Variants in CAB39L observed in about 807,000 individuals in gnomAD.
The protein encoded by CAB39L is calcium binding protein 39 like.
Under a neutral mutation model 39.1 loss-of-function variants are expected in CAB39L, and 23 were observed. The observed-to-expected ratio is 0.59, with a 90% confidence interval of 0.42 to 0.83. The LOEUF is 0.83. Among genes scored for constraint, CAB39L ranks in the 40% least tolerant of loss-of-function variants. CAB39L has a pLI of 0.00. For missense variants in CAB39L, 366 were observed against 391.9 expected (o/e 0.93, Z 0.56); for synonymous variants, 126 against 137.2 (o/e 0.92, Z 0.57).
chr13:49,437,975 C>G (rs1388119264), intron 1 of CAB39L, among the ~76,000 whole-genome samples: 1 of 151,842 alleles, frequency 6.6e-6, no homozygotes, highest in Non-Finnish European at 1.5e-5. Flanking sequence ...CAGGTGTGTG[C>G]CACTACGCCC....
chr13:49,396,410 A>AT (rs1206311786), intron 3 of CAB39L, among the ~76,000 whole-genome samples: 1 of 151,998 alleles, frequency 6.6e-6, no homozygotes, highest in Non-Finnish European at 1.5e-5. Context: ...CTACCACCAC[A>AT]TAAAAAAAAA....
intron 5 of CAB39L, among the ~76,000 whole-genome samples, chr13:49,370,097 G>GC (rs1955876501): frequency 6.6e-6 from 1 of 152,074 alleles, no homozygotes; most frequent in Non-Finnish European, 1.5e-5. Flanking sequence ...AATTTCAGTA[G>GC]CAGAAGTGGA....
At chr13:49,371,850 C>T (rs908466740) in intron 5 of CAB39L, among the ~76,000 whole-genome samples, 11 of 152,052 alleles carry the variant, frequency 7.2e-5, no homozygotes, top group Non-Finnish European at 1.6e-4. Flanking sequence ...CCTCAGTCTC[C>T]CAAAGTGCTG....
At chr13:49,326,863 C>A (rs1489674516) in intron 10 of CAB39L, among the ~76,000 whole-genome samples, 1 of 152,126 alleles carries the variant, frequency 6.6e-6, no homozygotes, top group East Asian at 1.9e-4. Context: ...TATAATACTG[C>A]ATTTTTGAAC....
At chr13:49,349,455 C>CATATATATAT (rs34379188) in intron 7 of CAB39L, among the ~76,000 whole-genome samples, 77 of 141,802 alleles carry the variant, frequency 5.4e-4, no homozygotes, top group African/African-American at 1.9e-3. Context: ...AATCTGAATA[C>CATATATATAT]ATATATATAT....
intron 6 of CAB39L, among the ~76,000 whole-genome samples, chr13:49,358,294 C>T (rs1203765255): frequency 1.3e-5 from 2 of 152,078 alleles, no homozygotes; most frequent in Non-Finnish European, 2.9e-5. Flanking sequence ...AATAACTGTG[C>T]AATCATAATA....
chr13:49,376,236 C>T (rs730924), intron 5 of CAB39L, among the ~76,000 whole-genome samples: 82,942 of 152,048 alleles, frequency 0.55, 24,031 homozygotes, highest in African/African-American at 0.72. Flanking sequence ...GAACAAAATT[C>T]GTATTATGAT....
chr13:49,341,302 G>A (rs1326423513), intron 8 of CAB39L, among the ~76,000 whole-genome samples: 1 of 151,298 alleles, frequency 6.6e-6, no homozygotes, highest in East Asian at 1.9e-4. Flanking sequence ...TGCCAAGGCT[G>A]GAGTGCTGTG....
At chr13:49,374,805 T>C (rs926580565) in intron 5 of CAB39L, among the ~76,000 whole-genome samples, 1 of 152,228 alleles carries the variant, frequency 6.6e-6, no homozygotes, top group Non-Finnish European at 1.5e-5. Flanking sequence ...CTTCAAAACA[T>C]AACCATCCTT....
In CAB39L at chr13:49,339,684, G is replaced by C; in HGVS notation, c.683C>G (p.Ser228Cys). The C allele has an allele frequency of 1.9e-6, 3 of 1,571,230 alleles. No individual in the cohort carries two copies. The highest frequency in any genetic ancestry group is 2.6e-6 in the Non-Finnish European group (3 of 1,162,554). ...QSENYVTKRQ[S>C]LKLLGELILD... is the part of the protein sequence containing the mutation. ...AAAGAAATTTGATATTACCTTTAAA[G>C]ACTGTCTCTTAGTAACATAATTCTC... The change falls in exon 9 of 11, where the codon TCT becomes TGT. Residue 228 changes from serine (S) to cysteine (C), a missense_variant. By Grantham distance (112) the Ser-to-Cys change is moderately radical. Transcript: ENST00000409308.
At chr13:49,380,262 G>A (rs1046948162) in intron 4 of CAB39L, among the ~76,000 whole-genome samples, 2 of 152,252 alleles carry the variant, frequency 1.3e-5, no homozygotes, top group South Asian at 2.1e-4. Flanking sequence ...TTTATTTAAA[G>A]CATTGTGTTA....
Position 49,310,753 on chromosome 13 carries a change from T to G in CAB39L, c.*61A>C. On this transcript the variant is annotated 3_prime_UTR_variant, in exon 11 of 11. Transcript: ENST00000409308. The stretch of plus-strand genomic sequence containing the variant: ...TCCCAAGAATGATGACTTTCTGAAA[T>G]GACACACTGTACAAACTGGACAAAT... 6.6e-7 allele frequency: 1 copy of G among 1,519,276 alleles called. No homozygotes were observed. Among genetic ancestry groups the G allele is most frequent in the Non-Finnish European group, 8.9e-7 (1 of 1,121,436 alleles). The allele number at this position is 1,519,276 out of a possible 1,614,324, so 94.1% of individuals were successfully genotyped here. A position where few individuals can be genotyped will look rare whatever the true frequency, so the allele number is the denominator to read the frequency against.
At chr13:49,341,951 C>CAT (rs1955021182) in intron 8 of CAB39L, among the ~76,000 whole-genome samples, 1 of 152,132 alleles carries the variant, frequency 6.6e-6, no homozygotes, top group African/African-American at 2.4e-5. Context: ...TCCTTTATAA[C>CAT]ATGAGGACAT....
intron 5 of CAB39L, among the ~76,000 whole-genome samples, chr13:49,371,076 A>T (rs1334333791): frequency 6.6e-6 from 1 of 152,196 alleles, no homozygotes; most frequent in Admixed American, 6.5e-5. Flanking sequence ...AAATTGTTAA[A>T]TGTATAATGT....
intron 5 of CAB39L, among the ~76,000 whole-genome samples, chr13:49,362,005 TTTG>T (rs576946506): frequency 1.3e-5 from 2 of 152,044 alleles, no homozygotes; most frequent in Non-Finnish European, 2.9e-5. Flanking sequence ...TCATATTCTT[TTTG>T]TTATTTTTTT....
intron 6 of CAB39L, among the ~76,000 whole-genome samples, chr13:49,353,596 T>C (rs9568188): frequency 0.38 from 57,141 of 151,658 alleles, 12,208 homozygotes; most frequent in East Asian, 0.62. Context: ...TCAAATGCCA[T>C]CTCCTCCTTG....
At chr13:49,393,042 C>T (rs963580154) in intron 3 of CAB39L, 8 of 152,046 alleles carry the variant, frequency 5.3e-5, no homozygotes, top group Admixed American at 5.2e-4. Flanking sequence ...AAGGTCATCA[C>T]AATCACGCTA....
At chr13:49,405,709 G>C (rs1956855982) in intron 3 of CAB39L, among the ~76,000 whole-genome samples, 1 of 135,694 alleles carries the variant, frequency 7.4e-6, no homozygotes, top group Non-Finnish European at 1.5e-5. Context: ...AAGAAAGAAA[G>C]AAAGAGAGAG....
intron 9 of CAB39L, among the ~76,000 whole-genome samples, chr13:49,335,768 C>T (rs910172086): frequency 6.6e-6 from 1 of 152,074 alleles, no homozygotes; most frequent in Non-Finnish European, 1.5e-5. Flanking sequence ...GGAAAAAATT[C>T]CAAAGCTCTG....
Sources: gnomAD v4.1 joint callset for allele counts (sites outside exome capture counted in the v4.1 genomes callset) on GRCh38, gnomAD v4.1.1 for gene constraint, MANE v1.5 for transcripts, NCBI Gene and HGNC (gene_info 2026-07-23, HGNC 2026-07-21) for gene names.